GTF2A1: variants seen among roughly 807,000 people sequenced by gnomAD.
GTF2A1 encodes general transcription factor IIA subunit 1, also known as transcription initiation factor IIA subunit 1.
A neutral mutation model predicts 54.1 loss-of-function variants in GTF2A1; 12 were observed. The observed-to-expected ratio is 0.22, with a 90% CI of 0.14 to 0.36. GTF2A1 has a LOEUF of 0.36. Among genes scored for constraint, GTF2A1 ranks in the 10% least tolerant of loss-of-function variants. GTF2A1 has a pLI of 1.00. For synonymous variants in GTF2A1, 145 were observed against 152.0 expected, an observed-to-expected ratio of 0.95 and a Z score of 0.34; for missense variants, 335 against 442.2, an observed-to-expected ratio of 0.76 and a Z score of 2.17.
intron 4 of GTF2A1, 110 bp from the exon 5 acceptor site, chr14:81,197,594 T>C (rs1375656863): frequency 8.3e-6 from 5 of 604,382 alleles, no homozygotes; most frequent in South Asian, 4.9e-5. Flanking sequence ...TACCAAAATT[T>C]AAAAAATCTA....
At chr14:81,198,868 C>T (rs796932497) in intron 4 of GTF2A1, among the ~76,000 whole-genome samples, 4 of 152,284 alleles carry the variant, frequency 2.6e-5, no homozygotes, top group African/African-American at 9.6e-5. Flanking sequence ...CTAGTCTGGG[C>T]TCTAGGTACA....
chr14:81,207,081 G>T (rs760389078), intron 2 of GTF2A1, among the ~76,000 whole-genome samples: 3 of 152,060 alleles, frequency 2.0e-5, no homozygotes, highest in Admixed American at 6.6e-5. Flanking sequence ...GATATCCTCT[G>T]CTTAAAAACT....
intron 2 of GTF2A1, chr14:81,209,995 G>T: frequency 2.9e-6 from 2 of 700,246 alleles, no homozygotes; most frequent in South Asian, 3.1e-5. Flanking sequence ...TCCTATATAA[G>T]GATGCTACTG....
rs181579074 is a variant in GTF2A1, at chr14:81,196,024, C to T, written c.612+84G>A. On this transcript the variant is annotated intron_variant, in intron 6 of 8. Transcript: ENST00000553612. The stretch of plus-strand genomic sequence containing the variant: ...TAGCACTGAAAAAGAGTCTTTTGTG[C>T]ATATAAGGAGAGGGAAACTACCCAG... The T allele has an allele frequency of 2.3e-5, 28 of 1,210,278 alleles. No homozygotes were observed. In the African/African-American group the frequency reaches 3.8e-4, roughly 16 times the overall value. The allele number at this position is 1,210,278 out of a possible 1,614,324, so 75.0% of individuals were successfully genotyped here.
chr14:81,210,316 A>T (rs1201562306), intron 2 of GTF2A1, among the ~76,000 whole-genome samples: 2 of 152,214 alleles, frequency 1.3e-5, no homozygotes, highest in African/African-American at 4.8e-5. Context: ...CAGTTTCTCC[A>T]CAATTCCATT....
intron 8 of GTF2A1, among the ~76,000 whole-genome samples, chr14:81,181,580 T>G (rs542683041): frequency 3.9e-5 from 6 of 152,340 alleles, no homozygotes; most frequent in Admixed American, 1.3e-4. Context: ...AGTCTCACTC[T>G]GTTATCCAGG....
At chr14:81,199,312 C>T (rs900555389) in intron 4 of GTF2A1, among the ~76,000 whole-genome samples, 3 of 152,106 alleles carry the variant, frequency 2.0e-5, no homozygotes, top group Non-Finnish European at 4.4e-5. Flanking sequence ...ACACTAACCA[C>T]CTTATACTTA....
intron 2 of GTF2A1, among the ~76,000 whole-genome samples, chr14:81,215,833 C>T (rs555455832): frequency 2.0e-5 from 3 of 152,132 alleles, no homozygotes; most frequent in African/African-American, 7.2e-5. Flanking sequence ...GCCAGGAGTT[C>T]GAAAGCAGCC....
At chr14:81,200,443 G>A (rs758349783) in intron 4 of GTF2A1, among the ~76,000 whole-genome samples, 1 of 152,016 alleles carries the variant, frequency 6.6e-6, no homozygotes, top group Non-Finnish European at 1.5e-5. Context: ...TGGCCAACAT[G>A]GTGAAACCCT....
chr14:81,194,239 GGTT>G (rs1372312796), intron 6 of GTF2A1, among the ~76,000 whole-genome samples: 1 of 152,196 alleles, frequency 6.6e-6, no homozygotes, highest in East Asian at 1.9e-4. Flanking sequence ...CAAGGATGGA[GGTT>G]GTGCACTCCT....
chr14:81,219,671 A>C (rs1893569880), intron 1 of GTF2A1, among the ~76,000 whole-genome samples: 1 of 152,204 alleles, frequency 6.6e-6, no homozygotes, highest in African/African-American at 2.4e-5. Flanking sequence ...TGGACTAGTG[A>C]TCACACTGCG....
chr14:81,188,719 G>A (rs1892802897), intron 7 of GTF2A1, among the ~76,000 whole-genome samples: 1 of 151,690 alleles, frequency 6.6e-6, no homozygotes, highest in African/African-American at 2.4e-5. Flanking sequence ...TGAGCTTGCA[G>A]TGAGCCGACA....
chr14:81,188,384 T>C (rs1276776200), intron 7 of GTF2A1, among the ~76,000 whole-genome samples: 2 of 151,914 alleles, frequency 1.3e-5, no homozygotes, highest in Admixed American at 1.3e-4. Context: ...TGAGATTCTG[T>C]CTCAAACAAA....
At position 81,196,255 on chromosome 14, in the gene GTF2A1, C is replaced by T; in HGVS notation, c.479-14G>A. On this transcript the variant is annotated splice_polypyrimidine_tract_variant and intron_variant, in intron 5 of 8. Transcript: ENST00000553612. The stretch of plus-strand genomic sequence containing the variant: ...GAAGAAGCTGGCCTAAAGCAAAAAG[C>T]ATGCATTCCGAGTTATCATTTTAGC... 1.2e-6 allele frequency: 2 copies of T among 1,613,850 alleles called. No individual in the cohort carries two copies. The highest frequency in any genetic ancestry group is 1.7e-4 in the Middle Eastern group (1 of 6,058).
intron 4 of GTF2A1, 122 bp from the exon 5 acceptor site, chr14:81,197,606 T>C (rs1158066152): frequency 8.2e-5 from 47 of 571,796 alleles, no homozygotes; most frequent in Non-Finnish European, 3.4e-5. Context: ...AAAAATCTAG[T>C]AAGGCTAAAT....
At chr14:81,191,024 G>A (rs145224965) in intron 7 of GTF2A1, among the ~76,000 whole-genome samples, 2 of 152,242 alleles carry the variant, frequency 1.3e-5, no homozygotes, top group East Asian at 3.9e-4. Context: ...AATTTAGGGG[G>A]AGGAAACGGG....
chr14:81,197,458 T>C lies in GTF2A1; in HGVS notation c.429A>G (p.Leu143=). The change falls in exon 5 of 9, where the codon TTA becomes TTG. Residue 143 remains leucine (L), a synonymous_variant. Coordinates refer to ENST00000553612, the MANE Select transcript of GTF2A1 (RefSeq NM_015859.4). ...NMSAAATAAT[L]ALPAGVTPVQ... ...CAGGAGTCACACCTGCAGGGAGTGCTAAGGTAGCAGCTGTAGCAGCAGCAC... is the reference window on the plus strand; with the variant it reads ...CAGGAGTCACACCTGCAGGGAGTGCCAAGGTAGCAGCTGTAGCAGCAGCAC... 1.3e-6 allele frequency: 2 copies of C among 1,590,314 alleles called. No individual in the cohort carries two copies. The highest frequency in any genetic ancestry group is 1.7e-6 in the Non-Finnish European group (2 of 1,163,472).
At position 81,176,734 on chromosome 14, in the gene GTF2A1, C is replaced by T. The variant is rs1481947648; in HGVS notation, c.*3489G>A. The T allele has an allele frequency of 1.3e-5, 2 of 151,926 alleles. No homozygotes were observed. The highest frequency in any genetic ancestry group is 2.4e-5 in the African/African-American group (1 of 41,360). The allele number at this position is 151,926 out of a possible 1,614,324, so 9.4% of individuals were successfully genotyped here. A position where few individuals can be genotyped will look rare whatever the true frequency, so the allele number is the denominator to read the frequency against. ...TTTTAACTAAAGAATTCAAAATCTGCTATAGCTGATTCTGACAGGTAGGTG... is the reference window on the plus strand; with the variant it reads ...TTTTAACTAAAGAATTCAAAATCTGTTATAGCTGATTCTGACAGGTAGGTG... On this transcript the variant is annotated 3_prime_UTR_variant, in exon 9 of 9. Transcript: ENST00000553612.
At chr14:81,195,676 G>A (rs571665465) in intron 6 of GTF2A1, among the ~76,000 whole-genome samples, 1 of 151,622 alleles carries the variant, frequency 6.6e-6, no homozygotes, top group East Asian at 1.9e-4. Context: ...ACAAGAATTG[G>A]TAGGGCTTGA....
Sources: gnomAD v4.1 joint callset for allele counts (sites outside exome capture counted in the v4.1 genomes callset) on GRCh38, gnomAD v4.1.1 for gene constraint, MANE v1.5 for transcripts, NCBI Gene and HGNC (gene_info 2026-07-23, HGNC 2026-07-21) for gene names.